The following TXLNB variants were observed in gnomAD, a reference collection of about 807,000 sequenced individuals.
The protein encoded by TXLNB is taxilin beta, also known as beta-taxilin.
TXLNB carries 37 observed loss-of-function variants against 57.4 expected under a neutral mutation model. The ratio of observed to expected loss-of-function variants is 0.64; its 90% CI spans 0.50 to 0.85. The LOEUF (loss-of-function observed/expected upper bound fraction) is 0.85, where lower values mean the gene tolerates loss of function less well. Ranked by LOEUF, TXLNB falls within the 40% of genes least tolerant of loss-of-function variation. TXLNB has a pLI of 0.00. For synonymous variants in TXLNB, 302 were observed against 309.6 expected, an observed-to-expected ratio of 0.98 and a Z score of 0.26; for missense variants, 848 against 825.6, an observed-to-expected ratio of 1.03 and a Z score of -0.33.
chr6:139,211,482 G>A, the TXLNB span, among the ~76,000 whole-genome samples: 1 of 152,070 alleles, frequency 6.6e-6, no homozygotes, highest in Non-Finnish European at 1.5e-5. Flanking sequence ...CCATCTGTAC[G>A]TCACCATCAT....
chr6:139,307,865 G>T, the TXLNB span, among the ~76,000 whole-genome samples: 41 of 152,202 alleles, frequency 2.7e-4, no homozygotes, highest in African/African-American at 9.4e-4. Flanking sequence ...TTGCTAAATT[G>T]ATTTTTATCC....
chr6:139,184,637 T>A, the TXLNB span, among the ~76,000 whole-genome samples: 1 of 152,250 alleles, frequency 6.6e-6, no homozygotes, highest in South Asian at 2.1e-4. Flanking sequence ...CTTGGGGATC[T>A]AGCTTTGAGT....
At chr6:139,261,230 T>A (rs1776472091) in intron 5 of TXLNB, among the ~76,000 whole-genome samples, 1 of 152,202 alleles carries the variant, frequency 6.6e-6, no homozygotes, top group South Asian at 2.1e-4. Context: ...CCCATTCCCA[T>A]CTGAGATCTC....
chr6:139,234,705 G>A, the TXLNB span: 1 of 152,298 alleles, frequency 6.6e-6, no homozygotes, highest in Non-Finnish European at 1.5e-5. Flanking sequence ...CTTCTACTAG[G>A]ACAGTGCAGA....
the TXLNB span, among the ~76,000 whole-genome samples, chr6:139,316,280 A>G: frequency 2.6e-5 from 4 of 152,188 alleles, no homozygotes; most frequent in East Asian, 7.7e-4. Context: ...AACACTATTA[A>G]GTCATTTTAC....
At chr6:139,189,224 G>A in the TXLNB span, among the ~76,000 whole-genome samples, 3 of 152,198 alleles carry the variant, frequency 2.0e-5, no homozygotes, top group Non-Finnish European at 2.9e-5. Flanking sequence ...GGCGTATTCT[G>A]TTGCCCAAAA....
chr6:139,235,957 AGTGGAACAAT>A (rs1366763577), downstream of TXLNB, among the ~76,000 whole-genome samples: 1 of 152,124 alleles, frequency 6.6e-6, no homozygotes, highest in East Asian at 1.9e-4. Context: ...GGCCATCAAC[AGTGGAACAAT>A]GTGGAATTTG....
the TXLNB span, among the ~76,000 whole-genome samples, chr6:139,300,079 A>G: frequency 6.6e-6 from 1 of 152,158 alleles, no homozygotes; most frequent in Non-Finnish European, 1.5e-5. Context: ...TCTCTCCCTT[A>G]CGTGAGTGTC....
At chr6:139,174,601 G>A in the TXLNB span, 2 of 1,571,982 alleles carry the variant, frequency 1.3e-6, no homozygotes, top group Non-Finnish European at 1.7e-6. Flanking sequence ...CCAAGTGAAT[G>A]TAGGGAAGAT....
chr6:139,228,785 C>A, the TXLNB span, among the ~76,000 whole-genome samples: 2 of 152,102 alleles, frequency 1.3e-5, no homozygotes, highest in Non-Finnish European at 2.9e-5. Flanking sequence ...TTCACACAAA[C>A]CCCCAGATAA....
At chr6:139,189,265 G>A in the TXLNB span, among the ~76,000 whole-genome samples, 2 of 152,162 alleles carry the variant, frequency 1.3e-5, no homozygotes, top group Non-Finnish European at 2.9e-5. Context: ...TGTTTTTCAT[G>A]TTGCATGTTT....
the TXLNB span, among the ~76,000 whole-genome samples, chr6:139,200,751 C>G: frequency 2.6e-5 from 4 of 152,048 alleles, no homozygotes; most frequent in Admixed American, 1.3e-4. Context: ...GGACTGATAC[C>G]CCAGTCCAGC....
At chr6:139,323,287 T>C in the TXLNB span, among the ~76,000 whole-genome samples, 1 of 151,080 alleles carries the variant, frequency 6.6e-6, no homozygotes, top group African/African-American at 2.4e-5. Flanking sequence ...GTTTAGTTTT[T>C]TTTTTTTTTT....
the TXLNB span, among the ~76,000 whole-genome samples, chr6:139,206,492 C>T: frequency 1.3e-5 from 2 of 152,104 alleles, no homozygotes; most frequent in Non-Finnish European, 2.9e-5. Context: ...CATGGTGAAA[C>T]CCCATCTCTA....
chr6:139,210,053 T>C, the TXLNB span, among the ~76,000 whole-genome samples: 1 of 151,942 alleles, frequency 6.6e-6, no homozygotes, highest in Non-Finnish European at 1.5e-5. Context: ...GCAAAGAATA[T>C]GAATAGACAA....
At chr6:139,296,291 T>C (rs1777388097), upstream of TXLNB, among the ~76,000 whole-genome samples, 1 of 152,262 alleles carries the variant, frequency 6.6e-6, no homozygotes, top group Non-Finnish European at 1.5e-5. Context: ...TGATTGATAG[T>C]TTGGCTAGAT....
the TXLNB span, among the ~76,000 whole-genome samples, chr6:139,307,809 G>T: frequency 6.6e-6 from 1 of 152,086 alleles, no homozygotes; most frequent in Admixed American, 6.6e-5. Context: ...GAAAGACTAA[G>T]AAATAATTAT....
the TXLNB span, among the ~76,000 whole-genome samples, chr6:139,165,612 T>C: frequency 6.6e-6 from 1 of 151,238 alleles, no homozygotes; most frequent in African/African-American, 2.4e-5. Flanking sequence ...ACTGACTCTA[T>C]CATGTCTTTT....
intron 6 of TXLNB, 150 bp from the exon 7 acceptor site, chr6:139,255,788 A>T (rs1776322356): frequency 1.7e-6 from 1 of 604,334 alleles, no homozygotes; most frequent in East Asian, 3.0e-5. Flanking sequence ...GAAAGCTTAA[A>T]AAACCAGGCC....
Sources: gnomAD v4.1 joint callset for allele counts (sites outside exome capture counted in the v4.1 genomes callset) on GRCh38, gnomAD v4.1.1 for gene constraint, MANE v1.5 for transcripts, NCBI Gene and HGNC (gene_info 2026-07-23, HGNC 2026-07-21) for gene names.